TARS3: variants seen among roughly 807,000 people sequenced by gnomAD.
The protein encoded by TARS3 is threonyl-tRNA synthetase 3.
TARS3 carries 94 observed loss-of-function variants against 103.5 expected under a neutral mutation model. The observed-to-expected ratio is 0.91, with a 90% CI of 0.77 to 1.08. The LOEUF (loss-of-function observed/expected upper bound fraction) is 1.08, where lower values mean the gene tolerates loss of function less well. Ranked by LOEUF, TARS3 falls within the 50% of genes least tolerant of loss-of-function variation. The pLI, the probability that TARS3 is intolerant of heterozygous loss-of-function variation, is 0.00. For synonymous variants in TARS3, 416 were observed against 355.4 expected, an observed-to-expected ratio of 1.17 and a Z score of -1.92; for missense variants, 952 against 995.2, an observed-to-expected ratio of 0.96 and a Z score of 0.58.
Position 101,705,616 on chromosome 15 carries a change from C to G in TARS3, c.995+67G>C, listed in dbSNP as rs1359332842. On this transcript the variant is annotated intron_variant, in intron 7 of 18. Coordinates refer to ENST00000335968, the MANE Select transcript of TARS3 (RefSeq NM_152334.3). ...AATCGATCTCCAACCAGAAAACAAACTCGGCCTCTACTGCTAACACCTTCA... is the reference window on the plus strand; with the variant it reads ...AATCGATCTCCAACCAGAAAACAAAGTCGGCCTCTACTGCTAACACCTTCA... 5.1e-6 allele frequency: 7 copies of G among 1,362,892 alleles called. No individual in the cohort carries two copies. In the Admixed American group the frequency reaches 1.4e-4, roughly 28 times the overall value. The allele number at this position is 1,362,892 out of a possible 1,614,324, so 84.4% of individuals were successfully genotyped here.
intron 10 of TARS3, among the ~76,000 whole-genome samples, chr15:101,690,157 G>T (rs58215407): frequency 2.9e-4 from 44 of 152,128 alleles, no homozygotes; most frequent in Non-Finnish European, 5.7e-4. Flanking sequence ...AGGCACAGGG[G>T]GTGAGCCAGG....
chr15:101,684,377 A>G (rs997584471), intron 11 of TARS3, 140 bp from the exon 12 acceptor site: 35 of 804,934 alleles, frequency 4.3e-5, no homozygotes, highest in Non-Finnish European at 5.4e-5. Flanking sequence ...TTAAAAAAAA[A>G]ATTCTTCCAC....
At chr15:101,717,627 C>T (rs1900221056) in intron 3 of TARS3, among the ~76,000 whole-genome samples, 1 of 152,216 alleles carries the variant, frequency 6.6e-6, no homozygotes, top group South Asian at 2.1e-4. Flanking sequence ...CCTCTCTCCA[C>T]CTTCTGTAGA....
At chr15:101,700,555 A>G (rs1899214312) in intron 10 of TARS3, among the ~76,000 whole-genome samples, 1 of 152,222 alleles carries the variant, frequency 6.6e-6, no homozygotes, top group African/African-American at 2.4e-5. Context: ...TATGGACAAA[A>G]AGTGAATTTT....
At position 101,702,303 on chromosome 15, in the gene TARS3, A is replaced by G; in HGVS notation, c.1157T>C (p.Met386Thr). The G allele has an allele frequency of 6.2e-7, 1 of 1,614,080 alleles. No individual in the cohort carries two copies. Among genetic ancestry groups the G allele is most frequent in the Middle Eastern group, 1.6e-4 (1 of 6,062 alleles). Residue 386 changes from methionine (M) to threonine (T), a missense_variant, in exon 9 of 19, where the codon ATG becomes ACG. This residue lies in a region of TARS3 where 540 missense variants were observed against 631.0 expected (regional missense o/e 0.86). Transcript: ENST00000335968. The stretch of plus-strand genomic sequence containing the variant: ...TTGGAACTTTTCCCAGTCTCTCATC[A>G]TCTTGTTATCAGGAAAGGATATTCC... ...IYGISFPDNK[M>T]MRDWEKFQEE...
At chr15:101,706,653 AATG>A (rs1214819992) in intron 6 of TARS3, among the ~76,000 whole-genome samples, 1 of 152,202 alleles carries the variant, frequency 6.6e-6, no homozygotes, top group East Asian at 1.9e-4. Flanking sequence ...AGTTTATCGT[AATG>A]ATGATATATT....
chr15:101,663,974 C>T (rs1024258334), intron 15 of TARS3, among the ~76,000 whole-genome samples: 1 of 152,142 alleles, frequency 6.6e-6, no homozygotes, highest in Non-Finnish European at 1.5e-5. Context: ...TGAATGACAA[C>T]AGCACACTCT....
rs1203717746 is a variant in TARS3 at position 101,724,179 on chromosome 15, C to G, written c.209G>C (p.Ser70Thr). ...ENCDLRHRLCSLRLCLAEERS... is the reference protein window; with the variant it reads ...ENCDLRHRLCTLRLCLAEERS... ...CTCCTCGGCGAGGCACAGCCGCAGG[C>G]TGCACAGGCGGTGGCGCAGGTCGCA... Residue 70 changes from serine to threonine, a missense_variant, in exon 1 of 19, where the codon AGC (serine) becomes ACC (threonine). Physicochemically the swap from Ser to Thr is moderately conservative, Grantham distance 58. This residue lies in a region of TARS3 where 412 missense variants were observed against 364.2 expected (regional missense o/e 1.13). Transcript: ENST00000335968. The G allele has an allele frequency of 6.6e-7, 1 of 1,512,422 alleles. No homozygotes were observed. The highest frequency in any genetic ancestry group is 2.1e-5 in the Admixed American group (1 of 48,738). 93.7% of individuals were successfully genotyped at this position (1,512,422 alleles called of 1,614,324 possible).
At position 101,701,231 on chromosome 15, in the gene TARS3, T is replaced by C. The variant is rs375494501; in HGVS notation, c.1222-47A>G. 6.9e-5 allele frequency: 79 copies of C among 1,143,290 alleles called. No individual in the cohort carries two copies. The African/African-American group carries it at 1.1e-3, about 15-fold the overall frequency. The allele number at this position is 1,143,290 out of a possible 1,614,324, so 70.8% of individuals were successfully genotyped here. Reference sequence around the variant, plus strand: ...ATTTCAAATGTCATCTGCTATTGCTTAATATTTACTGCACACACATATAAT... The same window carrying C: ...ATTTCAAATGTCATCTGCTATTGCTCAATATTTACTGCACACACATATAAT... On this transcript the variant is annotated intron_variant, in intron 9 of 18. Transcript: ENST00000335968.
At position 101,724,435 on chromosome 15, in the gene TARS3, G is replaced by A. The variant is rs933543599; in HGVS notation, c.-48C>T. ...CGCCGAGCGGGGTGCCCGCGACTGC[G>A]GCGAGGGCGACGCGGACACTCAGCG... On this transcript the variant is annotated 5_prime_UTR_variant, in exon 1 of 19. Transcript: ENST00000335968. The A allele has an allele frequency of 8.1e-6, 11 of 1,356,738 alleles. No homozygotes were observed. The highest frequency in any genetic ancestry group is 3.1e-5 in the African/African-American group (2 of 65,062). The allele number at this position is 1,356,738 out of a possible 1,614,324, so 84.0% of individuals were successfully genotyped here. A position where few individuals can be genotyped will look rare whatever the true frequency, so the allele number is the denominator to read the frequency against.
chr15:101,724,040 T>C (rs1429355503), intron 1 of TARS3, 51 bp downstream of exon 1: 3 of 1,327,392 alleles, frequency 2.3e-6, no homozygotes, highest in African/African-American at 1.5e-5. Flanking sequence ...GTGCGCACCG[T>C]CTCGGCCCGC....
chr15:101,671,372 G>C, intron 15 of TARS3, 114 bp downstream of exon 15: 2 of 746,290 alleles, frequency 2.7e-6, no homozygotes, highest in Non-Finnish European at 4.4e-6. Flanking sequence ...TATATATTGC[G>C]TGTATAGCAC....
intron 3 of TARS3, among the ~76,000 whole-genome samples, chr15:101,720,662 A>G (rs1462017514): frequency 6.6e-6 from 1 of 152,202 alleles, no homozygotes; most frequent in Middle Eastern, 3.2e-3. Flanking sequence ...ATAAAAAAAA[A>G]ATTAGCTGAT....
At chr15:101,674,847 T>A (rs1283174166) in intron 13 of TARS3, among the ~76,000 whole-genome samples, 2 of 151,916 alleles carry the variant, frequency 1.3e-5, no homozygotes, top group Non-Finnish European at 2.9e-5. Context: ...GGCATTAAAT[T>A]TGTGGGTTGA....
chr15:101,720,937 G>A (rs1900422744), intron 3 of TARS3, among the ~76,000 whole-genome samples, 189 bp downstream of exon 3: 1 of 152,182 alleles, frequency 6.6e-6, no homozygotes, highest in African/African-American at 2.4e-5. Flanking sequence ...TAAGTTTCCT[G>A]AAGCCTCCCC....
intron 10 of TARS3, among the ~76,000 whole-genome samples, chr15:101,691,099 T>G (rs1405851048): frequency 6.6e-6 from 1 of 151,412 alleles, no homozygotes; most frequent in Non-Finnish European, 1.5e-5. Context: ...CCACCACGCC[T>G]GGCTAATTTT....
At chr15:101,694,774 T>G (rs769742930) in intron 10 of TARS3, among the ~76,000 whole-genome samples, 2 of 152,200 alleles carry the variant, frequency 1.3e-5, no homozygotes, top group African/African-American at 2.4e-5. Context: ...AGGAGACTTT[T>G]AAAAAGATAG....
chr15:101,686,781 A>G (rs542720758), intron 10 of TARS3, among the ~76,000 whole-genome samples: 1 of 152,208 alleles, frequency 6.6e-6, no homozygotes, highest in South Asian at 2.1e-4. Context: ...GACCCTTTGC[A>G]TGACAGTTTT....
At chr15:101,690,943 C>A (rs962748060) in intron 10 of TARS3, among the ~76,000 whole-genome samples, 32 of 151,944 alleles carry the variant, frequency 2.1e-4, no homozygotes, top group African/African-American at 7.5e-4. Flanking sequence ...TAATGGGTAT[C>A]AATCTTTTTT....
Sources: gnomAD v4.1 joint callset for allele counts (sites outside exome capture counted in the v4.1 genomes callset) on GRCh38, gnomAD v4.1.1 for gene constraint, gnomAD v4.1.1 regional missense constraint, MANE v1.5 for transcripts, NCBI Gene and HGNC (gene_info 2026-07-23, HGNC 2026-07-21) for gene names.